Variants in TIAM1 observed in about 807,000 individuals in gnomAD.
TIAM1 encodes TIAM Rac1 associated GEF 1.
A neutral mutation model predicts 163.5 loss-of-function variants in TIAM1; 65 were observed. The ratio of observed to expected loss-of-function variants is 0.40; its 90% CI spans 0.33 to 0.49. TIAM1 has a LOEUF of 0.49. Among genes scored for constraint, TIAM1 ranks in the 20% least tolerant of loss-of-function variants. The probability of loss-of-function intolerance (pLI) is 0.77; values close to 1 mark genes in which losing one functional copy is unlikely to be tolerated. For synonymous variants in TIAM1, 833 were observed against 810.1 expected (o/e 1.03, Z -0.48); for missense variants, 1,789 against 2,044.7 (o/e 0.87, Z 2.41).
At position 31,359,726 on chromosome 21, in the gene TIAM1, T is replaced by C. The variant is rs544402326; in HGVS notation, c.-368-20304A>G. ...ATTGCTTGAACCCGGGAGGCAGAGG[T>C]TGCAACAAGTCGAGATCACACCATT... On this transcript the variant is annotated intron_variant, in intron 2 of 28. Transcript: ENST00000286827. Among the ~76,000 whole-genome samples, 11 of 150,304 alleles carry C rather than the reference T, an allele frequency of 7.3e-5. No individual in the cohort carries two copies. In the South Asian group the frequency reaches 2.3e-3, roughly 32 times the overall value.
At chr21:31,434,200 C>T (rs1268904320) in intron 2 of TIAM1, among the ~76,000 whole-genome samples, 4 of 151,988 alleles carry the variant, frequency 2.6e-5, no homozygotes, top group Admixed American at 1.3e-4. Flanking sequence ...GATGCAGTAA[C>T]AAGGACCAGA....
intron 11 of TIAM1, 41 bp from the exon 12 acceptor site, chr21:31,203,053 A>G: frequency 6.7e-7 from 1 of 1,489,690 alleles, no homozygotes; most frequent in Non-Finnish European, 9.3e-7. Context: ...TGTCTGTTCA[A>G]TAGTAAATAG....
In TIAM1 at chr21:31,146,725, T is replaced by A. The variant is rs866420713; in HGVS notation, c.3475+170A>T. On this transcript the variant is annotated intron_variant, in intron 20 of 27. Transcript: ENST00000541036. ...GACTCTGTCTCAAAAAAAAAAAAAA[T>A]GAAAAAAAAATGAATACATTACATT... 8.7e-3 allele frequency among the ~76,000 whole-genome samples: 1,012 copies of A among 116,172 alleles called. 16 individuals are homozygous for A. The highest frequency in any genetic ancestry group is 0.033 in the African/African-American group (905 of 27,782). The allele number at this position is 116,172 out of a possible 152,430, so 76.2% of individuals were successfully genotyped here.
chr21:31,180,786 G>T (rs2084977430), intron 15 of TIAM1, among the ~76,000 whole-genome samples: 1 of 152,198 alleles, frequency 6.6e-6, no homozygotes, highest in African/African-American at 2.4e-5. Context: ...TTTACTAAGG[G>T]TACACAACTC....
chr21:31,500,832 T>C (rs897513778), intron 1 of TIAM1, among the ~76,000 whole-genome samples: 10 of 152,326 alleles, frequency 6.6e-5, no homozygotes, highest in Middle Eastern at 3.4e-3. Context: ...TTTGGACTTC[T>C]GGCCTCCAGA....
At chr21:31,518,344 A>G (rs2047451339) in intron 1 of TIAM1, among the ~76,000 whole-genome samples, 1 of 151,988 alleles carries the variant, frequency 6.6e-6, no homozygotes, top group African/African-American at 2.4e-5. Flanking sequence ...CTGCAGTGCA[A>G]TGGCATGATC....
intron 2 of TIAM1, among the ~76,000 whole-genome samples, chr21:31,301,551 G>T (rs845939): frequency 0.6 from 90,637 of 151,806 alleles, 27,752 homozygotes; most frequent in African/African-American, 0.72. Flanking sequence ...ATTCAACATA[G>T]AATGGAAGCC....
At chr21:31,397,058 C>G (rs1338329376) in intron 2 of TIAM1, among the ~76,000 whole-genome samples, 2 of 152,060 alleles carry the variant, frequency 1.3e-5, no homozygotes, top group African/African-American at 4.8e-5. Context: ...TGTATTTAAG[C>G]GAACAACATT....
intron 1 of TIAM1, among the ~76,000 whole-genome samples, chr21:31,540,176 G>A (rs919769585): frequency 6.6e-6 from 1 of 151,864 alleles, no homozygotes; most frequent in Non-Finnish European, 1.5e-5. Flanking sequence ...ACTGGAGGTC[G>A]GGAGTTCAAG....
Position 31,118,530 on chromosome 21 carries a change from T to G in TIAM1, c.*1838A>C, listed in dbSNP as rs2081887272. ...TATAAAAGAAATATATAAGAACTTT[T>G]GACATAGACACGTCATGACCTTATG... is the stretch of plus-strand genomic sequence containing the variant. On this transcript the variant is annotated 3_prime_UTR_variant, in exon 28 of 28. Transcript: ENST00000541036. The G allele has an allele frequency of 2.2e-6, 1 of 459,762 alleles. No homozygotes were observed. Among genetic ancestry groups the G allele is most frequent in the Admixed American group, 2.6e-5 (1 of 38,926 alleles). 28.5% of individuals were successfully genotyped at this position (459,762 alleles called of 1,614,324 possible).
At chr21:31,313,540 C>T (rs908515929) in intron 2 of TIAM1, among the ~76,000 whole-genome samples, 1 of 152,032 alleles carries the variant, frequency 6.6e-6, no homozygotes. Context: ...TATGTGGGGG[C>T]AAAATAATTT....
chr21:31,202,000 C>T (rs77331254), intron 12 of TIAM1, among the ~76,000 whole-genome samples: 11,354 of 151,296 alleles, frequency 0.075, 597 homozygotes, highest in East Asian at 0.19. Context: ...ATTTTTTTTT[C>T]TTGGCTAGTT....
rs866386974 is a variant in TIAM1, at chr21:31,416,635, C to T, written c.-369+47348G>A. ...ATGGCCTCCAGCTCCATCCAAGTTG[C>T]GCAACAGACATGATTTCATTCCTTT... On this transcript the variant is annotated intron_variant, in intron 2 of 28. Transcript: ENST00000286827. 3.9e-5 allele frequency among the ~76,000 whole-genome samples: 6 copies of T among 152,294 alleles called. 1 individual carries two copies. The highest frequency in any genetic ancestry group is 2.1e-4 in the South Asian group (1 of 4,820).
intron 2 of TIAM1, among the ~76,000 whole-genome samples, chr21:31,354,654 A>G (rs2076286321): frequency 6.6e-6 from 1 of 152,188 alleles, no homozygotes; most frequent in African/African-American, 2.4e-5. Flanking sequence ...CCGGTAAAAC[A>G]TGCATGACAG....
At chr21:31,355,568 T>TTTATTTATTTATTTAC (rs1034476961) in intron 2 of TIAM1, among the ~76,000 whole-genome samples, 1 of 141,590 alleles carries the variant, frequency 7.1e-6, no homozygotes, top group Non-Finnish European at 1.5e-5. Flanking sequence ...TATTTATTTA[T>TTTATTTATTTATTTAC]TGAGAAAGAG....
chr21:31,165,127 CCT>C (rs1294645844), intron 15 of TIAM1, 62 bp from the exon 16 acceptor site: 1 of 1,498,472 alleles, frequency 6.7e-7, no homozygotes, highest in African/African-American at 1.4e-5. Context: ...AAAAGCCACC[CCT>C]GTGTGAGGGG....
At chr21:31,273,239 A>T (rs2073142462) in intron 3 of TIAM1, among the ~76,000 whole-genome samples, 1 of 152,186 alleles carries the variant, frequency 6.6e-6, no homozygotes, top group East Asian at 1.9e-4. Context: ...AAAACTCTGG[A>T]TCAGACCTTG....
In TIAM1 at chr21:31,327,290, C is replaced by T. The variant is rs188404596; in HGVS notation, c.-189+11953G>A. Among the ~76,000 whole-genome samples, 260 of 152,268 alleles carry T rather than the reference C, an allele frequency of 1.7e-3. 5 individuals carry two copies. In the South Asian group the frequency reaches 0.029, roughly 17 times the overall value. ...CCACGCTTGAACTCATTCTAGAATTCATCAGCTAAGTACCCTTATAGGATA... is the reference window on the plus strand; with the variant it reads ...CCACGCTTGAACTCATTCTAGAATTTATCAGCTAAGTACCCTTATAGGATA... On this transcript the variant is annotated intron_variant, in intron 2 of 27. Coordinates refer to ENST00000541036, the MANE Select transcript of TIAM1 (RefSeq NM_001353694.2).
chr21:31,196,957 T>C (rs1483042197), intron 12 of TIAM1, among the ~76,000 whole-genome samples: 1 of 152,200 alleles, frequency 6.6e-6, no homozygotes, highest in Non-Finnish European at 1.5e-5. Context: ...TGGATGCAGC[T>C]GGAAGCCATT....
Sources: gnomAD v4.1 joint callset for allele counts (sites outside exome capture counted in the v4.1 genomes callset) on GRCh38, gnomAD v4.1.1 for gene constraint, MANE v1.5 for transcripts, NCBI Gene and HGNC (gene_info 2026-07-23, HGNC 2026-07-21) for gene names.